FHIT: variants seen among roughly 807,000 people sequenced by gnomAD.
The protein encoded by FHIT is bis(5'-adenosyl)-triphosphatase.
Under a neutral mutation model 17.9 loss-of-function variants are expected in FHIT, and 19 were observed. The observed-to-expected ratio is 1.06, with a 90% CI of 0.74 to 1.56. FHIT has a LOEUF of 1.56. Ranked by LOEUF, FHIT falls within the 40% of genes most tolerant of loss-of-function variation. FHIT has a pLI of 0.00. For missense variants in FHIT, 248 were observed against 189.2 expected (o/e 1.31, Z -1.82); for synonymous variants, 81 against 69.7 (o/e 1.16, Z -0.81).
At chr3:60,805,761 G>A (rs773727401) in intron 4 of FHIT, among the ~76,000 whole-genome samples, 5 of 151,920 alleles carry the variant, frequency 3.3e-5, no homozygotes, top group Admixed American at 1.3e-4. Flanking sequence ...GGGTTTCACC[G>A]TGTTAGCCAG....
chr3:60,084,225 T>C (rs1443097297), intron 5 of FHIT, among the ~76,000 whole-genome samples: 1 of 152,206 alleles, frequency 6.6e-6, no homozygotes, highest in Non-Finnish European at 1.5e-5. Flanking sequence ...TTGCTTTACA[T>C]TCTTTTGTAG....
intron 3 of FHIT, among the ~76,000 whole-genome samples, chr3:60,958,945 G>C (rs539403136): frequency 1.3e-5 from 2 of 152,224 alleles, no homozygotes; most frequent in East Asian, 3.9e-4. Context: ...GCAAACTAAG[G>C]ACAAAGGAAT....
At chr3:60,269,050 C>T (rs1442932979) in intron 5 of FHIT, among the ~76,000 whole-genome samples, 1 of 152,172 alleles carries the variant, frequency 6.6e-6, no homozygotes. Flanking sequence ...CTGCTGACAT[C>T]TTGATTTTAG....
chr3:60,503,554 T>C (rs1252437008), intron 5 of FHIT, among the ~76,000 whole-genome samples: 2 of 152,152 alleles, frequency 1.3e-5, no homozygotes, highest in African/African-American at 4.8e-5. Flanking sequence ...ACATTTTATA[T>C]TGGTTGTGGC....
intron 1 of FHIT, among the ~76,000 whole-genome samples, chr3:61,221,363 G>A (rs926194343): frequency 2.0e-5 from 3 of 152,226 alleles, no homozygotes; most frequent in Non-Finnish European, 2.9e-5. Flanking sequence ...TTGAGAAAAA[G>A]AGGTTCATCT....
intron 3 of FHIT, among the ~76,000 whole-genome samples, chr3:60,959,799 T>C (rs1709328269): frequency 6.6e-6 from 1 of 151,018 alleles, no homozygotes; most frequent in Non-Finnish European, 1.5e-5. Flanking sequence ...GAGAGGCTTT[T>C]TCTTTTTTTT....
At chr3:60,281,293 C>G (rs1471308108) in intron 5 of FHIT, among the ~76,000 whole-genome samples, 1 of 152,082 alleles carries the variant, frequency 6.6e-6, no homozygotes, top group East Asian at 1.9e-4. Flanking sequence ...AACGCAGTTT[C>G]AGTCAAAATC....
At chr3:61,202,085 C>CACACACACGCACAT (rs2039036566) in intron 1 of FHIT, among the ~76,000 whole-genome samples, 1 of 151,892 alleles carries the variant, frequency 6.6e-6, no homozygotes, top group African/African-American at 2.4e-5. Flanking sequence ...CACACACACA[C>CACACACACGCACAT]ACACACGCAC....
Position 61,239,761 on chromosome 3 carries a change from CCATATATATATA to C in FHIT, c.-213+11528_-213+11539del, listed in dbSNP as rs1435877953. On this transcript the variant is annotated intron_variant, in intron 1 of 9. Transcript: ENST00000492590. ...TAAAACTGCAAAGAAAAACAACTGG[CCATATATATATA>C]TATATATATATACACAAATTCTAAA... Among the ~76,000 whole-genome samples, 525 of 63,168 alleles carry C rather than the reference CCATATATATATA, an allele frequency of 8.3e-3. 18 individuals are homozygous for C. The highest frequency in any genetic ancestry group is 0.01 in the Non-Finnish European group (344 of 33,324). The allele number at this position is 63,168 out of a possible 152,430, so 41.4% of individuals were successfully genotyped here.
At chr3:60,338,486 G>A (rs1419925510) in intron 5 of FHIT, among the ~76,000 whole-genome samples, 6 of 152,178 alleles carry the variant, frequency 3.9e-5, no homozygotes, top group Non-Finnish European at 8.8e-5. Context: ...GCGCCACCAT[G>A]TCTATGTCTG....
At chr3:60,880,258 G>T (rs2107122089) in intron 3 of FHIT, among the ~76,000 whole-genome samples, 1 of 152,222 alleles carries the variant, frequency 6.6e-6, no homozygotes, top group Admixed American at 6.5e-5. Flanking sequence ...TGTCAGTCAA[G>T]GATACTATAT....
chr3:60,070,622 G>A (rs1410639380), intron 5 of FHIT, among the ~76,000 whole-genome samples: 3 of 152,190 alleles, frequency 2.0e-5, no homozygotes, highest in Non-Finnish European at 4.4e-5. Context: ...GTGCTTCCGG[G>A]ATGCCACCAG....
At chr3:59,916,958 A>G (rs1705162834) in intron 8 of FHIT, among the ~76,000 whole-genome samples, 1 of 152,252 alleles carries the variant, frequency 6.6e-6, no homozygotes, top group Non-Finnish European at 1.5e-5. Context: ...CCCAGAAGAC[A>G]AAAAGCTAAT....
intron 5 of FHIT, among the ~76,000 whole-genome samples, chr3:60,472,871 T>C (rs2033159270): frequency 6.6e-6 from 1 of 152,112 alleles, no homozygotes; most frequent in African/African-American, 2.4e-5. Flanking sequence ...TAGCAGTAAT[T>C]ATCGTATCTC....
chr3:60,384,128 T>C (rs576658183), intron 5 of FHIT, among the ~76,000 whole-genome samples: 3 of 151,772 alleles, frequency 2.0e-5, no homozygotes, highest in Non-Finnish European at 4.4e-5. Context: ...ATTAGACGAG[T>C]GTGGTGCTGC....
At chr3:60,955,625 T>C (rs1412280876) in intron 3 of FHIT, among the ~76,000 whole-genome samples, 27 of 49,468 alleles carry the variant, frequency 5.5e-4, no homozygotes, top group African/African-American at 1.0e-3. Flanking sequence ...TATATATATA[T>C]ATATATATAC....
intron 7 of FHIT, among the ~76,000 whole-genome samples, chr3:59,959,242 T>C (rs986264957): frequency 2.6e-5 from 4 of 152,170 alleles, no homozygotes; most frequent in African/African-American, 7.2e-5. Flanking sequence ...CTCCAGTTCT[T>C]TGATGCTTCT....
intron 5 of FHIT, among the ~76,000 whole-genome samples, chr3:60,472,157 T>TAA (rs143951495): frequency 0.08 from 11,800 of 146,730 alleles, 579 homozygotes; most frequent in African/African-American, 0.14. Flanking sequence ...ACTTTTTTGT[T>TAA]AAAAAAAAAA....
At chr3:60,466,681 A>T (rs1456654675) in intron 5 of FHIT, among the ~76,000 whole-genome samples, 1 of 151,996 alleles carries the variant, frequency 6.6e-6, no homozygotes, top group African/African-American at 2.4e-5. Flanking sequence ...ATTGATTTGC[A>T]TATGTTGAAC....
Sources: gnomAD v4.1 joint callset for allele counts (sites outside exome capture counted in the v4.1 genomes callset) on GRCh38, gnomAD v4.1.1 for gene constraint, MANE v1.5 for transcripts, NCBI Gene and HGNC (gene_info 2026-07-23, HGNC 2026-07-21) for gene names.